Variants in PARN observed in about 807,000 individuals in gnomAD.
PARN encodes the protein poly(A)-specific ribonuclease PARN.
In PARN, 71 loss-of-function variants were observed where a neutral mutation model predicts 102.8. The ratio of observed to expected loss-of-function variants is 0.69; its 90% CI spans 0.57 to 0.84. PARN has a LOEUF of 0.84. Ranked by LOEUF, PARN falls within the 40% of genes least tolerant of loss-of-function variation. PARN has a pLI of 0.00. For synonymous variants in PARN, 261 were observed against 252.9 expected (o/e 1.03, Z -0.30); for missense variants, 782 against 760.9 (o/e 1.03, Z -0.33).
intron 23 of PARN, among the ~76,000 whole-genome samples, chr16:14,442,536 T>C (rs559643290): frequency 2.3e-4 from 35 of 152,326 alleles, no homozygotes; most frequent in African/African-American, 8.2e-4. Flanking sequence ...GCTGAGTACA[T>C]AGTATACACA....
chr16:14,597,385 C>G (rs115907151), intron 12 of PARN, among the ~76,000 whole-genome samples: 6,417 of 152,230 alleles, frequency 0.042, 147 homozygotes, highest in African/African-American at 0.051. Flanking sequence ...CCAACACCAC[C>G]TTAACCAAGC....
At chr16:14,525,095 C>T (rs375367002) in intron 21 of PARN, among the ~76,000 whole-genome samples, 12 of 152,064 alleles carry the variant, frequency 7.9e-5, no homozygotes, top group East Asian at 5.8e-4. Context: ...TGAAGTTATC[C>T]AGAATACTTA....
chr16:14,577,652 T>C (rs12447215), intron 18 of PARN, among the ~76,000 whole-genome samples: 29,359 of 152,004 alleles, frequency 0.19, 3,333 homozygotes, highest in Middle Eastern at 0.3. Flanking sequence ...CCACTTTACT[T>C]ACTTACTTAC....
intron 22 of PARN, among the ~76,000 whole-genome samples, chr16:14,468,375 T>C (rs530572014): frequency 1.8e-4 from 28 of 152,236 alleles, no homozygotes; most frequent in Non-Finnish European, 3.2e-4. Flanking sequence ...GTGGGAAAGG[T>C]GGACAGTCGG....
intron 21 of PARN, among the ~76,000 whole-genome samples, chr16:14,539,559 A>G (rs190702582): frequency 1.4e-3 from 214 of 152,362 alleles, no homozygotes; most frequent in Middle Eastern, 3.4e-3. Flanking sequence ...TCAGAAAACA[A>G]TAAGATTCTC....
rs76214696 is a variant in PARN at position 14,517,274 on chromosome 16, A to G, written c.1481-34447T>C. Among the ~76,000 whole-genome samples the G allele has an allele frequency of 7.9e-5, 12 of 152,328 alleles. No homozygotes were observed. The East Asian group carries it at 2.3e-3, about 29-fold the overall frequency. Reference sequence around the variant, plus strand: ...AAGGTATATTAACAAGCATAATGCAAACTGAGGCTTGCAGGGTAGCTTGTG... The same window carrying G: ...AAGGTATATTAACAAGCATAATGCAGACTGAGGCTTGCAGGGTAGCTTGTG... On this transcript the variant is annotated intron_variant, in intron 21 of 23. Transcript: ENST00000437198.
At chr16:14,489,592 A>C (rs1335278197) in intron 21 of PARN, among the ~76,000 whole-genome samples, 1 of 152,176 alleles carries the variant, frequency 6.6e-6, no homozygotes, top group African/African-American at 2.4e-5. Context: ...GGTCACATGG[A>C]AGTGGAGCCC....
At chr16:14,611,721 G>A (rs973508914) in intron 6 of PARN, among the ~76,000 whole-genome samples, 2 of 152,138 alleles carry the variant, frequency 1.3e-5, no homozygotes, top group South Asian at 2.1e-4. Context: ...TTGTATTTTC[G>A]GTAGAGACAG....
At chr16:14,597,670 G>C (rs1000467843) in intron 12 of PARN, among the ~76,000 whole-genome samples, 1 of 151,254 alleles carries the variant, frequency 6.6e-6, no homozygotes, top group African/African-American at 2.4e-5. Context: ...GCGCTCCAGC[G>C]TGGGCGACAA....
At chr16:14,577,664 TAC>T (rs1969228636) in intron 18 of PARN, among the ~76,000 whole-genome samples, 1 of 152,036 alleles carries the variant, frequency 6.6e-6, no homozygotes, top group African/African-American at 2.4e-5. Context: ...CTTACTTACT[TAC>T]ATTTATTTAT....
At chr16:14,624,300 A>C (rs1047075510) in intron 5 of PARN, among the ~76,000 whole-genome samples, 2 of 152,214 alleles carry the variant, frequency 1.3e-5, no homozygotes, top group Non-Finnish European at 2.9e-5. Flanking sequence ...ATTTTAAATA[A>C]AACAAAAACC....
At chr16:14,506,366 A>T (rs984193788) in intron 21 of PARN, among the ~76,000 whole-genome samples, 1 of 152,218 alleles carries the variant, frequency 6.6e-6, no homozygotes, top group Non-Finnish European at 1.5e-5. Context: ...TGTAAGGGAC[A>T]TTATTAGGAC....
chr16:14,617,209 C>G (rs895232275), intron 6 of PARN, among the ~76,000 whole-genome samples: 4 of 150,916 alleles, frequency 2.7e-5, no homozygotes, highest in African/African-American at 7.3e-5. Context: ...ACGGTGAAAC[C>G]CTGTCTCTAC....
rs139682901 is a variant in PARN, at chr16:14,487,164, C to T, written c.1481-4337G>A. On this transcript the variant is annotated intron_variant, in intron 21 of 23. Coordinates refer to ENST00000437198, the MANE Select transcript of PARN (RefSeq NM_002582.4). ...TGCACACAGCATAGCATTTAATCTT[C>T]GGATGTTCTAGTCACCACACAAATA... Among the ~76,000 whole-genome samples, 74 of 152,332 alleles carry T rather than the reference C, an allele frequency of 4.9e-4. 1 individual carries two copies. The highest frequency in any genetic ancestry group is 1.6e-3 in the African/African-American group (65 of 41,582).
intron 21 of PARN, among the ~76,000 whole-genome samples, chr16:14,508,553 T>A (rs1663903307): frequency 1.3e-5 from 2 of 152,084 alleles, no homozygotes; most frequent in Admixed American, 1.3e-4. Flanking sequence ...AGTGAGACAC[T>A]CTGTAATAAC....
At chr16:14,496,402 C>CA (rs1964321424) in intron 21 of PARN, among the ~76,000 whole-genome samples, 1 of 151,504 alleles carries the variant, frequency 6.6e-6, no homozygotes. Context: ...GGGAGTTTGG[C>CA]AAAAAGTTTA....
chr16:14,544,660 A>G (rs1315315225), intron 21 of PARN, among the ~76,000 whole-genome samples: 1 of 152,236 alleles, frequency 6.6e-6, no homozygotes, highest in Non-Finnish European at 1.5e-5. Context: ...CAGATAAGGT[A>G]GACTTAAAAA....
At chr16:14,528,942 G>A (rs1966163562) in intron 21 of PARN, among the ~76,000 whole-genome samples, 1 of 152,124 alleles carries the variant, frequency 6.6e-6, no homozygotes, top group Admixed American at 6.5e-5. Context: ...ATCTTTCCCT[G>A]CAAGAAACGA....
At chr16:14,588,579 C>T (rs908808246) in intron 13 of PARN, among the ~76,000 whole-genome samples, 4 of 152,250 alleles carry the variant, frequency 2.6e-5, no homozygotes, top group Non-Finnish European at 5.9e-5. Context: ...AACTTCATTG[C>T]TTTAAAGATC....
Sources: allele counts gnomAD v4.1 joint callset (sites outside exome capture counted in the v4.1 genomes callset), GRCh38; gene constraint gnomAD v4.1.1; transcripts MANE v1.5; gene names NCBI Gene and HGNC (gene_info 2026-07-23, HGNC 2026-07-21).